The following LOC128462377 variants were observed in gnomAD, a reference collection of about 807,000 sequenced individuals.
the LOC128462377 span, chr16:89,324,616 G>A: frequency 2.1e-5 from 9 of 427,676 alleles, no homozygotes; most frequent in East Asian, 7.1e-5. Flanking sequence ...GCAGATCTGC[G>A]GAAGCACTGG....
the LOC128462377 span, among the ~76,000 whole-genome samples, chr16:89,405,016 T>A: frequency 1.3e-5 from 2 of 151,894 alleles, no homozygotes; most frequent in South Asian, 2.1e-4. Context: ...TCTAAAAACT[T>A]CTCCTCTCCC....
At chr16:89,319,739 GCCCAGGCTACACCT>G in the LOC128462377 span, among the ~76,000 whole-genome samples, 1 of 152,232 alleles carries the variant, frequency 6.6e-6, no homozygotes, top group African/African-American at 2.4e-5. Flanking sequence ...CTGCCATCTA[GCCCAGGCTACACCT>G]CCCAGGACCC....
chr16:89,390,977 A>G, the LOC128462377 span, among the ~76,000 whole-genome samples: 1 of 152,168 alleles, frequency 6.6e-6, no homozygotes, highest in Non-Finnish European at 1.5e-5. Flanking sequence ...GCCTGTAATC[A>G]CAGCATTTTG....
the LOC128462377 span, among the ~76,000 whole-genome samples, chr16:89,358,638 G>C: frequency 2.6e-5 from 4 of 152,052 alleles, no homozygotes. Flanking sequence ...GAATGACTAA[G>C]ATTTCAACTG....
chr16:89,385,160 GC>G, the LOC128462377 span, among the ~76,000 whole-genome samples: 2 of 151,462 alleles, frequency 1.3e-5, no homozygotes, highest in Non-Finnish European at 2.9e-5. Flanking sequence ...ACAGGCGTGA[GC>G]CACTGTACCC....
chr16:89,354,782 A>G, the LOC128462377 span, among the ~76,000 whole-genome samples: 2 of 152,102 alleles, frequency 1.3e-5, no homozygotes, highest in Non-Finnish European at 2.9e-5. Flanking sequence ...CTCATAAGGG[A>G]GGCTGAGGCA....
At chr16:89,338,726 C>CAAA in the LOC128462377 span, among the ~76,000 whole-genome samples, 2,043 of 43,474 alleles carry the variant, frequency 0.047, 247 homozygotes, top group East Asian at 0.37. Flanking sequence ...CACTCAGTCT[C>CAAA]AAAAAAAAAA....
the LOC128462377 span, among the ~76,000 whole-genome samples, chr16:89,386,099 T>C: frequency 6.6e-6 from 1 of 152,344 alleles, no homozygotes; most frequent in African/African-American, 2.4e-5. Context: ...GCTTCTCCTA[T>C]TCCTCAGATT....
the LOC128462377 span, among the ~76,000 whole-genome samples, chr16:89,386,279 T>C: frequency 6.6e-6 from 1 of 152,214 alleles, no homozygotes; most frequent in African/African-American, 2.4e-5. Context: ...CAGTCACTTT[T>C]TTTTTTTAAA....
At chr16:89,347,167 G>T in the LOC128462377 span, among the ~76,000 whole-genome samples, 1 of 152,170 alleles carries the variant, frequency 6.6e-6, no homozygotes, top group Non-Finnish European at 1.5e-5. Flanking sequence ...TGCTGAAATG[G>T]AAATGTGAAT....
chr16:89,349,132 AG>A, the LOC128462377 span, among the ~76,000 whole-genome samples: 1 of 113,690 alleles, frequency 8.8e-6, no homozygotes, highest in Non-Finnish European at 1.8e-5. Context: ...TGTCTCAAAA[AG>A]TAAAAAAAAA....
chr16:89,344,606 C>G, the LOC128462377 span, among the ~76,000 whole-genome samples: 1 of 152,196 alleles, frequency 6.6e-6, no homozygotes, highest in Non-Finnish European at 1.5e-5. Flanking sequence ...TGCAAGCGTC[C>G]GGGAGGACAC....
the LOC128462377 span, among the ~76,000 whole-genome samples, chr16:89,389,320 C>T: frequency 1.3e-5 from 2 of 151,902 alleles, no homozygotes; most frequent in African/African-American, 2.4e-5. Flanking sequence ...CCACCACACC[C>T]GACCTACAAC....
chr16:89,337,772 T>C, the LOC128462377 span, among the ~76,000 whole-genome samples: 1 of 152,198 alleles, frequency 6.6e-6, no homozygotes, highest in Non-Finnish European at 1.5e-5. Context: ...GCAGACAATG[T>C]GCAGGTCTTT....
At chr16:89,414,407 G>C in the LOC128462377 span, among the ~76,000 whole-genome samples, 5 of 152,136 alleles carry the variant, frequency 3.3e-5, no homozygotes, top group Non-Finnish European at 7.3e-5. Context: ...CCGCGTGCTG[G>C]GGTCATCGGG....
chr16:89,332,830 G>A, the LOC128462377 span, among the ~76,000 whole-genome samples: 2 of 152,216 alleles, frequency 1.3e-5, no homozygotes, highest in Non-Finnish European at 2.9e-5. Flanking sequence ...AATTCCCTTA[G>A]AAACGTCCAT....
chr16:89,360,952 C>G, the LOC128462377 span, among the ~76,000 whole-genome samples: 1 of 152,166 alleles, frequency 6.6e-6, no homozygotes, highest in Non-Finnish European at 1.5e-5. Context: ...GGCCACTGCT[C>G]TGCATCAGGT....
the LOC128462377 span, among the ~76,000 whole-genome samples, chr16:89,384,531 G>A: frequency 7.7e-6 from 1 of 130,550 alleles, no homozygotes; most frequent in African/African-American, 2.9e-5. Context: ...AACAGGATGG[G>A]ATGGGACTGG....
the LOC128462377 span, among the ~76,000 whole-genome samples, chr16:89,338,118 C>CGCCCGTCAGGCTCCCAGGACACT: frequency 1.3e-4 from 20 of 152,318 alleles, no homozygotes; most frequent in African/African-American, 3.4e-4. Flanking sequence ...CCCAGGACGC[C>CGCCCGTCAGGCTCCCAGGACACT]GCCCGTCAGG....
Sources: allele counts gnomAD v4.1 joint callset (sites outside exome capture counted in the v4.1 genomes callset), GRCh38; gene constraint gnomAD v4.1.1; transcripts MANE v1.5.